GRM7: variants seen among roughly 807,000 people sequenced by gnomAD.
GRM7 encodes glutamate metabotropic receptor 7.
Under a neutral mutation model 84.5 loss-of-function variants are expected in GRM7, and 35 were observed. That is an observed-to-expected ratio of 0.41 (90% confidence interval 0.32 to 0.55). The LOEUF is 0.55. Among genes scored for constraint, GRM7 ranks in the 20% least tolerant of loss-of-function variants. The pLI, the probability that GRM7 is intolerant of heterozygous loss-of-function variation, is 0.19. For missense variants in GRM7, 1,003 were observed against 1,194.6 expected, an observed-to-expected ratio of 0.84 and a Z score of 2.36; for synonymous variants, 487 against 455.1, an observed-to-expected ratio of 1.07 and a Z score of -0.89.
chr3:7,021,423 A>G (rs1162326718), intron 1 of GRM7, among the ~76,000 whole-genome samples: 1 of 152,194 alleles, frequency 6.6e-6, no homozygotes, highest in African/African-American at 2.4e-5. Flanking sequence ...GTTATACTGG[A>G]CTTTGAGGGA....
chr3:7,534,112 C>T (rs907026246), intron 7 of GRM7, among the ~76,000 whole-genome samples: 9 of 149,510 alleles, frequency 6.0e-5, no homozygotes, highest in Non-Finnish European at 1.2e-4. Context: ...CCTCCTGGAT[C>T]AAGTGATTCT....
chr3:7,705,230 A>C (rs933568975), intron 9 of GRM7, among the ~76,000 whole-genome samples: 1 of 152,204 alleles, frequency 6.6e-6, no homozygotes, highest in Admixed American at 6.5e-5. Flanking sequence ...ACCAGGGCAC[A>C]AAACATCTGA....
intron 8 of GRM7, among the ~76,000 whole-genome samples, chr3:7,640,417 T>C (rs1057497129): frequency 2.6e-5 from 4 of 152,212 alleles, no homozygotes; most frequent in Non-Finnish European, 5.9e-5. Flanking sequence ...AAATTCTGCA[T>C]TTTGACATGC....
intron 2 of GRM7, among the ~76,000 whole-genome samples, chr3:7,268,370 T>C (rs1272650987): frequency 3.3e-5 from 5 of 151,710 alleles, no homozygotes; most frequent in Non-Finnish European, 7.4e-5. Context: ...GTGGAAGGAT[T>C]AGTTGAGTCC....
chr3:7,346,568 A>G lies in GRM7; in HGVS notation c.1033+39916A>G, dbSNP rs115945150. 1.4e-3 allele frequency among the ~76,000 whole-genome samples: 213 copies of G among 152,256 alleles called. 1 individual carries two copies. Among genetic ancestry groups the G allele is most frequent in the African/African-American group, 4.6e-3 (190 of 41,570 alleles). On this transcript the variant is annotated intron_variant, in intron 4 of 9. Transcript: ENST00000357716. The stretch of plus-strand genomic sequence containing the variant: ...CAATTACTCCCAGGGATGCCTAGCT[A>G]TAACTGCAATGGTGTGGGAGAAATG...
At chr3:7,286,545 AT>A (rs1373382967) in intron 2 of GRM7, among the ~76,000 whole-genome samples, 1 of 152,154 alleles carries the variant, frequency 6.6e-6, no homozygotes, top group Non-Finnish European at 1.5e-5. Flanking sequence ...CATTTACTAA[AT>A]TTCAATAACC....
intron 2 of GRM7, among the ~76,000 whole-genome samples, chr3:7,253,616 TAAAAAAAA>T (rs138776034): frequency 2.5e-4 from 30 of 121,192 alleles, no homozygotes; most frequent in African/African-American, 6.9e-4. Flanking sequence ...AAACTCCATC[TAAAAAAAA>T]AAAAAAAAAA....
Position 7,014,392 on chromosome 3 carries a change from G to C in GRM7, c.520-132060G>C, listed in dbSNP as rs147878545. Among the ~76,000 whole-genome samples the C allele has an allele frequency of 7.0e-4, 107 of 152,104 alleles. 2 individuals carry two copies. The East Asian group carries it at 0.02, about 28-fold the overall frequency. On this transcript the variant is annotated intron_variant, in intron 1 of 9. Transcript: ENST00000357716. The stretch of plus-strand genomic sequence containing the variant: ...GTTTTACTCTGTCACCCAGGCTAAA[G>C]TGCAGTGGTGCAATGTCAGCTCACT...
In GRM7 at chr3:7,380,538, T is replaced by C. The variant is rs184524594; in HGVS notation, c.1034-34485T>C. 1.6e-3 allele frequency among the ~76,000 whole-genome samples: 237 copies of C among 152,322 alleles called. 1 individual carries two copies. The highest frequency in any genetic ancestry group is 0.014 in the Admixed American group (216 of 15,302). The stretch of plus-strand genomic sequence containing the variant: ...CTCAACCTTATTCTTTGGCTTGAGA[T>C]TGAGCACATATTAGCAGTCTAAACA... On this transcript the variant is annotated intron_variant, in intron 4 of 9. Transcript: ENST00000357716.
At chr3:6,992,045 A>G (rs997709958) in intron 1 of GRM7, among the ~76,000 whole-genome samples, 3 of 152,170 alleles carry the variant, frequency 2.0e-5, no homozygotes, top group African/African-American at 7.2e-5. Flanking sequence ...AAACTAATTT[A>G]TACGTTAGTC....
intron 4 of GRM7, among the ~76,000 whole-genome samples, chr3:7,397,627 C>A (rs1695264766): frequency 6.6e-6 from 1 of 152,102 alleles, no homozygotes; most frequent in African/African-American, 2.4e-5. Flanking sequence ...CTAATTTGAT[C>A]ATTGCACATT....
chr3:7,132,049 A>T (rs1191513416), intron 1 of GRM7, among the ~76,000 whole-genome samples: 1 of 152,134 alleles, frequency 6.6e-6, no homozygotes, highest in South Asian at 2.1e-4. Flanking sequence ...TCTTTTGCTA[A>T]AGGAAATCTG....
intron 1 of GRM7, among the ~76,000 whole-genome samples, chr3:6,976,983 G>C (rs182999520): frequency 1.6e-4 from 25 of 152,238 alleles, no homozygotes; most frequent in Admixed American, 1.5e-3. Context: ...CAGTGCAGAG[G>C]CTTGGGTTAT....
chr3:6,958,546 G>T (rs1575067807), intron 1 of GRM7, among the ~76,000 whole-genome samples: 1 of 152,068 alleles, frequency 6.6e-6, no homozygotes, highest in African/African-American at 2.4e-5. Context: ...AAATATCTAG[G>T]AGTGGAATTT....
At chr3:6,964,607 C>T (rs954368287) in intron 1 of GRM7, among the ~76,000 whole-genome samples, 3 of 152,152 alleles carry the variant, frequency 2.0e-5, no homozygotes, top group Admixed American at 6.5e-5. Flanking sequence ...ACACTTCCCC[C>T]AGAAATCAAC....
intron 1 of GRM7, among the ~76,000 whole-genome samples, chr3:6,990,529 A>G (rs1219148698): frequency 6.6e-6 from 1 of 152,164 alleles, no homozygotes; most frequent in Non-Finnish European, 1.5e-5. Flanking sequence ...ACATGGCTCC[A>G]TGGAGGGAGA....
At chr3:7,041,871 G>C (rs1000250425) in intron 1 of GRM7, among the ~76,000 whole-genome samples, 1 of 152,156 alleles carries the variant, frequency 6.6e-6, no homozygotes, top group African/African-American at 2.4e-5. Flanking sequence ...TCTAAGGAGG[G>C]GCAAGGGGGC....
chr3:7,614,411 A>G (rs1024754022), intron 8 of GRM7, among the ~76,000 whole-genome samples: 2 of 152,166 alleles, frequency 1.3e-5, no homozygotes, highest in African/African-American at 4.8e-5. Context: ...ACGTGCAAGG[A>G]ACAACCCAGA....
chr3:7,176,986 T>C (rs1297785066), intron 2 of GRM7, among the ~76,000 whole-genome samples: 1 of 152,212 alleles, frequency 6.6e-6, no homozygotes, highest in Non-Finnish European at 1.5e-5. Flanking sequence ...TCAGTGCCAT[T>C]CAGTACAAAC....
Sources: gnomAD v4.1 joint callset for allele counts (sites outside exome capture counted in the v4.1 genomes callset) on GRCh38, gnomAD v4.1.1 for gene constraint, MANE v1.5 for transcripts, NCBI Gene and HGNC (gene_info 2026-07-23, HGNC 2026-07-21) for gene names.